Variants in STPG2 observed in about 807,000 individuals in gnomAD.
The protein encoded by STPG2 is sperm-tail PG-rich repeat-containing protein 2.
A neutral mutation model predicts 54.2 loss-of-function variants in STPG2; 56 were observed. That is an observed-to-expected ratio of 1.03 (90% CI 0.83 to 1.29). The LOEUF (loss-of-function observed/expected upper bound fraction) is 1.29, where lower values mean the gene tolerates loss of function less well. Ranked by LOEUF, STPG2 falls within the 50% of genes most tolerant of loss-of-function variation. The pLI is 0.00. For synonymous variants in STPG2, 200 were observed against 181.8 expected, an observed-to-expected ratio of 1.10 and a Z score of -0.81; for missense variants, 596 against 544.9, an observed-to-expected ratio of 1.09 and a Z score of -0.93.
chr4:97,699,133 G>A (rs1723683555), intron 10 of STPG2, among the ~76,000 whole-genome samples: 1 of 152,184 alleles, frequency 6.6e-6, no homozygotes, highest in African/African-American at 2.4e-5. Flanking sequence ...TGGCTATACT[G>A]AGGGCTCAGT....
chr4:97,763,803 G>A (rs931340050), intron 9 of STPG2, among the ~76,000 whole-genome samples: 1 of 152,092 alleles, frequency 6.6e-6, no homozygotes, highest in Non-Finnish European at 1.5e-5. Context: ...ATAGCAATCA[G>A]TATGGATATT....
intron 7 of STPG2, among the ~76,000 whole-genome samples, chr4:97,946,892 T>C (rs1249528756): frequency 6.6e-6 from 1 of 152,182 alleles, no homozygotes; most frequent in Non-Finnish European, 1.5e-5. Context: ...TTTGATTCCA[T>C]ATGAATTGTA....
chr4:97,456,182 G>A (rs970244437), intron 4 of STPG2, among the ~76,000 whole-genome samples: 6 of 152,258 alleles, frequency 3.9e-5, no homozygotes, highest in East Asian at 1.9e-4. Flanking sequence ...AGAACTACCC[G>A]AAACGGGGTA....
chr4:97,886,737 T>C (rs369055847), intron 8 of STPG2, among the ~76,000 whole-genome samples: 3 of 152,294 alleles, frequency 2.0e-5, no homozygotes, highest in Admixed American at 6.5e-5. Context: ...ATTGATATGG[T>C]TTGGATCTGT....
At chr4:97,663,553 C>G (rs573634293) in intron 10 of STPG2, among the ~76,000 whole-genome samples, 2 of 152,142 alleles carry the variant, frequency 1.3e-5, no homozygotes, top group Non-Finnish European at 2.9e-5. Flanking sequence ...TAACCATTAT[C>G]AAACCAATCT....
At chr4:98,072,914 G>A (rs1415241010) in intron 5 of STPG2, among the ~76,000 whole-genome samples, 8 of 152,196 alleles carry the variant, frequency 5.3e-5, no homozygotes. Context: ...GTGCGAGGTT[G>A]AGCAAGCTAT....
intron 10 of STPG2, among the ~76,000 whole-genome samples, chr4:97,700,548 G>T (rs918983284): frequency 1.3e-5 from 2 of 152,198 alleles, no homozygotes; most frequent in Non-Finnish European, 2.9e-5. Flanking sequence ...CTGAATTTTA[G>T]TCAGATTTAT....
intron 9 of STPG2, among the ~76,000 whole-genome samples, chr4:97,805,081 T>A (rs1727512546): frequency 6.6e-6 from 1 of 152,136 alleles, no homozygotes; most frequent in South Asian, 2.1e-4. Context: ...TTCCTGAAAA[T>A]CTCTGTATTT....
intron 3 of STPG2, among the ~76,000 whole-genome samples, chr4:98,118,993 A>G (rs1438272007): frequency 6.6e-6 from 1 of 152,184 alleles, no homozygotes; most frequent in Non-Finnish European, 1.5e-5. Flanking sequence ...GCCAACAAAT[A>G]AAGGTTAAAA....
At position 97,800,593 on chromosome 4, in the gene STPG2, A is replaced by C. The variant is rs192180925; in HGVS notation, c.1204+40180T>G. 3.9e-5 allele frequency among the ~76,000 whole-genome samples: 6 copies of C among 152,174 alleles called. 1 individual carries two copies. The highest frequency in any genetic ancestry group is 6.5e-5 in the Admixed American group (1 of 15,296). On this transcript the variant is annotated intron_variant, in intron 9 of 10. Coordinates refer to ENST00000295268, the MANE Select transcript of STPG2 (RefSeq NM_174952.3). ...CGTGTGAGGTGTCAGTCTGCCCCTA[A>C]TGGGGGGTGCCTCCCAGTTAGGCTA...
chr4:97,618,518 C>T (rs1474239037), intron 10 of STPG2, among the ~76,000 whole-genome samples: 2 of 152,074 alleles, frequency 1.3e-5, no homozygotes, highest in African/African-American at 4.8e-5. Flanking sequence ...GCTTTTAACA[C>T]ATCATGAATA....
At position 97,507,935 on chromosome 4, in the gene STPG2, C is replaced by T. The variant is rs1328858717; in HGVS notation, c.462+204764G>A. 2.6e-5 allele frequency among the ~76,000 whole-genome samples: 4 copies of T among 152,090 alleles called. No homozygotes were observed. In the South Asian group the frequency reaches 6.2e-4, roughly 24 times the overall value. ...ACATAGGCACAATTGATTAAATCAT[C>T]AGTCACATGATTAAGCTCAATCTTT... is the stretch of plus-strand genomic sequence containing the variant. On this transcript the variant is annotated intron_variant, in intron 4 of 4. Coordinates refer to the STPG2 transcript ENST00000522676.
chr4:97,714,197 T>G (rs1385009578), intron 9 of STPG2, among the ~76,000 whole-genome samples: 1 of 152,214 alleles, frequency 6.6e-6, no homozygotes, highest in Non-Finnish European at 1.5e-5. Context: ...TCTACCTACT[T>G]TGGCAAATAC....
intron 5 of STPG2, among the ~76,000 whole-genome samples, chr4:97,990,086 T>C (rs1161845842): frequency 6.6e-6 from 1 of 152,200 alleles, no homozygotes; most frequent in African/African-American, 2.4e-5. Flanking sequence ...CTAGAGGTCA[T>C]AGGGAAAAGA....
intron 7 of STPG2, among the ~76,000 whole-genome samples, chr4:97,949,754 G>A (rs1212224202): frequency 6.6e-6 from 1 of 152,180 alleles, no homozygotes; most frequent in Non-Finnish European, 1.5e-5. Context: ...GAAGTCTGCT[G>A]TTAGTCTGAA....
chr4:97,834,215 G>T lies in STPG2; in HGVS notation c.1204+6558C>A, dbSNP rs145882996. ...GAGTTAATGTCCTTTGCAGGGACATGGATGAAGCTGGAAACCATCATTCTC... is the reference window on the plus strand; with the variant it reads ...GAGTTAATGTCCTTTGCAGGGACATTGATGAAGCTGGAAACCATCATTCTC... On this transcript the variant is annotated intron_variant, in intron 9 of 10. Transcript: ENST00000295268. Among the ~76,000 whole-genome samples the T allele has an allele frequency of 6.6e-3, 997 of 152,186 alleles. 15 individuals are homozygous for T. Among genetic ancestry groups the T allele is most frequent in the Non-Finnish European group, 7.0e-3 (479 of 68,004 alleles).
At chr4:98,100,832 T>C (rs1046899207) in intron 5 of STPG2, among the ~76,000 whole-genome samples, 7 of 151,828 alleles carry the variant, frequency 4.6e-5, no homozygotes, top group Admixed American at 4.6e-4. Context: ...CGTGCCACCA[T>C]GCTGAACTAA....
Position 97,561,872 on chromosome 4 carries a change from C to T in STPG2, c.1321-2755G>A, listed in dbSNP as rs186306340. Among the ~76,000 whole-genome samples, 796 of 152,136 alleles carry T rather than the reference C, an allele frequency of 5.2e-3. 6 individuals are homozygous for T. The highest frequency in any genetic ancestry group is 0.02 in the Middle Eastern group (6 of 294). On this transcript the variant is annotated intron_variant, in intron 10 of 10. Transcript: ENST00000295268. ...TGTAGTATACTTTGAAGTCAGGTAGCGTGATGCCTCCAGCTTTGTTCTTTT... is the reference window on the plus strand; with the variant it reads ...TGTAGTATACTTTGAAGTCAGGTAGTGTGATGCCTCCAGCTTTGTTCTTTT...
chr4:97,707,644 A>G (rs1338609235), intron 10 of STPG2, among the ~76,000 whole-genome samples: 5 of 152,188 alleles, frequency 3.3e-5, no homozygotes, highest in Non-Finnish European at 7.3e-5. Context: ...CTGCACTAGA[A>G]AGAAATATTG....
Sources: allele counts gnomAD v4.1 joint callset (sites outside exome capture counted in the v4.1 genomes callset), GRCh38; gene constraint gnomAD v4.1.1; transcripts MANE v1.5; gene names NCBI Gene and HGNC (gene_info 2026-07-23, HGNC 2026-07-21).